MAEL: variants seen among roughly 807,000 people sequenced by gnomAD.
The protein encoded by MAEL is maelstrom spermatogenic transposon silencer, also known as protein maelstrom homolog.
MAEL carries 46 observed loss-of-function variants against 62.0 expected under a neutral mutation model. The observed-to-expected ratio is 0.74, with a 90% CI of 0.59 to 0.95. The LOEUF (loss-of-function observed/expected upper bound fraction) is 0.95. Ranked by LOEUF, MAEL falls within the 40% of genes least tolerant of loss-of-function variation. The probability of loss-of-function intolerance (pLI) is 0.00; values close to 1 mark genes in which losing one functional copy is unlikely to be tolerated. For synonymous variants in MAEL, 172 were observed against 175.5 expected (o/e 0.98, Z 0.16); for missense variants, 497 against 526.8 (o/e 0.94, Z 0.55).
At position 166,991,935 on chromosome 1, in the gene MAEL, T is replaced by G. The variant is rs566995021; in HGVS notation, c.325+458T>G. Among the ~76,000 whole-genome samples, 7 of 152,320 alleles carry G rather than the reference T, an allele frequency of 4.6e-5. No individual in the cohort carries two copies. In the South Asian group the frequency reaches 1.5e-3, roughly 32 times the overall value. On this transcript the variant is annotated intron_variant, in intron 3 of 11. Transcript: ENST00000367872. Reference sequence around the variant, plus strand: ...TGAGCTTGATTTAATCATTCCACAATGTATACATGTATCAAAACTACATTG... The same window carrying G: ...TGAGCTTGATTTAATCATTCCACAAGGTATACATGTATCAAAACTACATTG...
intron 5 of MAEL, among the ~76,000 whole-genome samples, chr1:167,003,671 A>C (rs1416783961): frequency 3.3e-5 from 5 of 152,198 alleles, no homozygotes; most frequent in Non-Finnish European, 7.3e-5. Flanking sequence ...TAACCCATTA[A>C]TTCCTTAATG....
At chr1:166,975,912 G>C (rs1663563430) in intron 1 of MAEL, among the ~76,000 whole-genome samples, 1 of 152,096 alleles carries the variant, frequency 6.6e-6, no homozygotes, top group African/African-American at 2.4e-5. Context: ...GGCGAGGGTG[G>C]GGGACGGCGG....
intron 5 of MAEL, among the ~76,000 whole-genome samples, chr1:167,002,578 C>CA (rs1456310842): frequency 6.6e-6 from 1 of 152,138 alleles, no homozygotes; most frequent in Non-Finnish European, 1.5e-5. Flanking sequence ...AAGCTGGAGT[C>CA]ACTAGCATCT....
intron 1 of MAEL, among the ~76,000 whole-genome samples, chr1:166,983,628 GA>G (rs796819280): frequency 6.6e-6 from 1 of 152,026 alleles, no homozygotes; most frequent in Non-Finnish European, 1.5e-5. Flanking sequence ...TTTCTGAATA[GA>G]AAAAAATCAA....
intron 1 of MAEL, among the ~76,000 whole-genome samples, chr1:166,976,863 T>G (rs369855525): frequency 6.6e-6 from 1 of 152,300 alleles, no homozygotes; most frequent in East Asian, 1.9e-4. Flanking sequence ...GACATCTCAA[T>G]TCCCTTCTTA....
chr1:166,989,297 G>C lies in MAEL; in HGVS notation c.-56G>C. On this transcript the variant is annotated 5_prime_UTR_variant, in exon 1 of 12. Transcript: ENST00000367872. The stretch of plus-strand genomic sequence containing the variant: ...CCTCTGTTACTTAGGGCGGGAGCCC[G>C]GCGAGGGCGCCGGTGCTTTGTTCTG... The C allele has an allele frequency of 1.3e-6, 2 of 1,565,990 alleles. No individual in the cohort carries two copies. The highest frequency in any genetic ancestry group is 2.3e-5 in the South Asian group (2 of 85,330).
chr1:166,977,510 G>A (rs1663627761), intron 1 of MAEL, among the ~76,000 whole-genome samples: 1 of 152,104 alleles, frequency 6.6e-6, no homozygotes, highest in African/African-American at 2.4e-5. Context: ...TGACTCTAAA[G>A]CATATACTGT....
intron 8 of MAEL, among the ~76,000 whole-genome samples, chr1:167,014,821 G>C (rs1382605955): frequency 6.6e-6 from 1 of 152,096 alleles, no homozygotes; most frequent in Non-Finnish European, 1.5e-5. Context: ...TCAGCAGTTC[G>C]AGACCAGCCT....
At chr1:166,986,296 A>G (rs1663910704), upstream of MAEL, among the ~76,000 whole-genome samples, 1 of 152,254 alleles carries the variant, frequency 6.6e-6, no homozygotes, top group Non-Finnish European at 1.5e-5. Context: ...TTTAAATTCA[A>G]TAAATTATAC....
chr1:166,989,402 A>G lies in MAEL; in HGVS notation c.50A>G (p.Glu17Gly). The G allele has an allele frequency of 1.2e-6, 2 of 1,607,404 alleles. No homozygotes were observed. The highest frequency in any genetic ancestry group is 1.7e-6 in the Non-Finnish European group (2 of 1,177,186). ...SRNAYYFFVQEKIPELRRRGL... is the reference protein window; with the variant it reads ...SRNAYYFFVQGKIPELRRRGL... Reference sequence around the variant, plus strand: ...AATGCTTACTATTTCTTCGTGCAGGAGAAGATCCCCGAACTACGGCGACGA... The same window carrying G: ...AATGCTTACTATTTCTTCGTGCAGGGGAAGATCCCCGAACTACGGCGACGA... The change falls in exon 1 of 12, where the codon GAG becomes GGG. Residue 17 changes from glutamate to glycine, a missense_variant. Physicochemically the swap from Glu to Gly is moderately conservative, Grantham distance 98. Coordinates refer to ENST00000367872, the MANE Select transcript of MAEL (RefSeq NM_032858.3).
chr1:166,999,592 A>G (rs1458654992), intron 5 of MAEL, among the ~76,000 whole-genome samples: 1 of 152,254 alleles, frequency 6.6e-6, no homozygotes, highest in African/African-American at 2.4e-5. Context: ...ACGCTGCAGC[A>G]AGTCATTCAG....
intron 8 of MAEL, among the ~76,000 whole-genome samples, chr1:167,015,100 A>G (rs1394201385): frequency 2.0e-5 from 3 of 152,238 alleles, no homozygotes; most frequent in Admixed American, 1.3e-4. Context: ...GAGATAATCC[A>G]GGGAACAAAA....
chr1:167,004,431 ATTGTT>A (rs762957400), intron 6 of MAEL, 127 bp downstream of exon 6: 1 of 810,536 alleles, frequency 1.2e-6, no homozygotes, highest in Non-Finnish European at 1.8e-6. Context: ...CTCATTTTGA[ATTGTT>A]TTGAATGTAA....
Position 167,017,811 on chromosome 1 carries a change from T to C in MAEL, c.909-16T>C, listed in dbSNP as rs747338450. 20 of 1,588,618 alleles carry C rather than the reference T, an allele frequency of 1.3e-5. No homozygotes were observed. The highest frequency in any genetic ancestry group is 1.7e-5 in the Non-Finnish European group (20 of 1,169,484). On this transcript the variant is annotated splice_polypyrimidine_tract_variant and intron_variant, in intron 9 of 11. Coordinates refer to ENST00000367872, the MANE Select transcript of MAEL (RefSeq NM_032858.3). Reference sequence around the variant, plus strand: ...TAAATTAGATTCTGATAGTGAGATTTTTATTTCTTTTAAAGGTACTGCATC... The same window carrying C: ...TAAATTAGATTCTGATAGTGAGATTCTTATTTCTTTTAAAGGTACTGCATC...
intron 5 of MAEL, among the ~76,000 whole-genome samples, chr1:167,001,931 G>T (rs555703920): frequency 3.3e-5 from 5 of 152,200 alleles, no homozygotes; most frequent in Admixed American, 6.5e-5. Flanking sequence ...ATAGGTGCAC[G>T]TCACACGCCC....
chr1:166,985,874 G>C (rs552049777), upstream of MAEL, among the ~76,000 whole-genome samples: 1 of 152,218 alleles, frequency 6.6e-6, no homozygotes, highest in South Asian at 2.1e-4. Flanking sequence ...ACAATGAGTA[G>C]ACAAGAATTA....
intron 3 of MAEL, among the ~76,000 whole-genome samples, chr1:166,992,242 G>A (rs757026185): frequency 6.6e-6 from 1 of 152,042 alleles, no homozygotes; most frequent in East Asian, 1.9e-4. Flanking sequence ...GGATTTATAG[G>A]TGGTTTTATA....
intron 1 of MAEL, among the ~76,000 whole-genome samples, chr1:166,980,612 T>C (rs562685076): frequency 6.6e-6 from 1 of 152,352 alleles, no homozygotes; most frequent in African/African-American, 2.4e-5. Context: ...TTACTGACAG[T>C]GCAACCTATA....
intron 1 of MAEL, among the ~76,000 whole-genome samples, chr1:166,979,424 TA>T (rs1159440358): frequency 1.3e-5 from 2 of 151,700 alleles, no homozygotes; most frequent in African/African-American, 4.8e-5. Flanking sequence ...ACCAAGGAAC[TA>T]AAAAAACTGG....
Sources: gnomAD v4.1 joint callset for allele counts (sites outside exome capture counted in the v4.1 genomes callset) on GRCh38, gnomAD v4.1.1 for gene constraint, MANE v1.5 for transcripts, NCBI Gene and HGNC (gene_info 2026-07-23, HGNC 2026-07-21) for gene names.